Variants in STAT1 observed in about 807,000 individuals in gnomAD.
STAT1 encodes signal transducer and activator of transcription 1.
Under a neutral mutation model 111.7 loss-of-function variants are expected in STAT1, and 24 were observed. The observed-to-expected ratio is 0.21, with a 90% CI of 0.16 to 0.30. STAT1 has a LOEUF of 0.30. STAT1 is among the 10% of genes least tolerant of loss of function. STAT1 has a pLI of 1.00. For missense variants in STAT1, 351 were observed against 911.9 expected, an observed-to-expected ratio of 0.38 and a Z score of 7.92; for synonymous variants, 332 against 326.5, an observed-to-expected ratio of 1.02 and a Z score of -0.18.
chr2:190,992,507 T>C, intron 10 of STAT1: 3 of 289,232 alleles, frequency 1.0e-5, no homozygotes, highest in Non-Finnish European at 1.3e-5. Flanking sequence ...CCATTTACAA[T>C]CTCTGACCTC....
At position 190,976,776 on chromosome 2, in the gene STAT1, G is replaced by T; in HGVS notation, c.2059+64C>A. On this transcript the variant is annotated intron_variant, in intron 22 of 24. Coordinates refer to ENST00000361099, the MANE Select transcript of STAT1 (RefSeq NM_007315.4). This position sits in a 1 kb window ranked among gnomAD's most constrained non-coding sequence, Gnocchi z 6.0. Reference sequence around the variant, plus strand: ...AAAACACTGCATGGGTGGAGTTTCAGAATAATCACCCCCTCATCAGGAAAG... The same window carrying T: ...AAAACACTGCATGGGTGGAGTTTCATAATAATCACCCCCTCATCAGGAAAG... 1 of 1,436,028 alleles carries T rather than the reference G, an allele frequency of 7.0e-7. No individual in the cohort carries two copies. Among genetic ancestry groups the T allele is most frequent in the Non-Finnish European group, 9.8e-7 (1 of 1,018,702 alleles). 89.0% of individuals were successfully genotyped at this position (1,436,028 alleles called of 1,614,324 possible).
In STAT1 at chr2:191,012,874, C is replaced by T. The variant is rs1022033851; in HGVS notation, c.-2+651G>A. Reference sequence around the variant, plus strand: ...GCATTCAAAGCTATGTACAAAAGCCCCTTCTTTCATAAAGTTGTCTGAGAC... The same window carrying T: ...GCATTCAAAGCTATGTACAAAAGCCTCTTCTTTCATAAAGTTGTCTGAGAC... On this transcript the variant is annotated intron_variant, in intron 2 of 24. Coordinates refer to ENST00000361099, the MANE Select transcript of STAT1 (RefSeq NM_007315.4). The surrounding 1 kb of genome is among the most constrained non-coding windows in gnomAD (Gnocchi z 4.0). Among the ~76,000 whole-genome samples the T allele has an allele frequency of 6.6e-6, 1 of 152,180 alleles. No individual in the cohort carries two copies. Among genetic ancestry groups the T allele is most frequent in the Non-Finnish European group, 1.5e-5 (1 of 68,030 alleles).
Position 190,989,744 on chromosome 2 carries a change from C to T in STAT1, c.1038-70G>A. ...TACAATTTATTTATTATGCCAATTCCCTATTAACGTTTAGATAAACTACTC... is the reference window on the plus strand; with the variant it reads ...TACAATTTATTTATTATGCCAATTCTCTATTAACGTTTAGATAAACTACTC... On this transcript the variant is annotated intron_variant, in intron 11 of 24. Coordinates refer to ENST00000361099, the MANE Select transcript of STAT1 (RefSeq NM_007315.4). The surrounding 1 kb of genome is among the most constrained non-coding windows in gnomAD (Gnocchi z 5.0). 8.7e-7 allele frequency: 1 copy of T among 1,154,674 alleles called. No homozygotes were observed. The highest frequency in any genetic ancestry group is 1.4e-5 in the South Asian group (1 of 73,580). 71.5% of individuals were successfully genotyped at this position (1,154,674 alleles called of 1,614,324 possible).
Position 190,979,703 on chromosome 2 carries a change from A to C in STAT1, c.1727+69T>G. ...ACGCCTAGTCAAATACTGAAGCTGG[A>C]CTCAGGCCTTGTCTCAACCTCGCAG... On this transcript the variant is annotated intron_variant, in intron 20 of 24. Transcript: ENST00000361099. This position sits in a 1 kb window ranked among gnomAD's most constrained non-coding sequence, Gnocchi z 5.8. 4.0e-6 allele frequency: 5 copies of C among 1,237,138 alleles called. No individual in the cohort carries two copies. The highest frequency in any genetic ancestry group is 1.2e-5 in the South Asian group (1 of 82,942). The allele number at this position is 1,237,138 out of a possible 1,614,324, so 76.6% of individuals were successfully genotyped here. A position where few individuals can be genotyped will look rare whatever the true frequency, so the allele number is the denominator to read the frequency against.
chr2:190,970,038 T>C lies in STAT1; in HGVS notation c.*665A>G, dbSNP rs575893899. 6.4e-6 allele frequency: 1 copy of C among 157,030 alleles called. No individual in the cohort carries two copies. Among genetic ancestry groups the C allele is most frequent in the South Asian group, 1.9e-4 (1 of 5,264 alleles). 9.7% of individuals were successfully genotyped at this position (157,030 alleles called of 1,614,324 possible). A position where few individuals can be genotyped will look rare whatever the true frequency, so the allele number is the denominator to read the frequency against. Reference sequence around the variant, plus strand: ...GATATTAGCTAGTGTCATTAAGCCATAACAAACAGTAAAGCTAATATTCTC... The same window carrying C: ...GATATTAGCTAGTGTCATTAAGCCACAACAAACAGTAAAGCTAATATTCTC... On this transcript the variant is annotated 3_prime_UTR_variant, in exon 25 of 25. Transcript: ENST00000361099. The surrounding 1 kb of genome is among the most constrained non-coding windows in gnomAD (Gnocchi z 5.4).
chr2:191,001,864 G>C (rs143228480), intron 5 of STAT1, among the ~76,000 whole-genome samples: 2 of 152,134 alleles, frequency 1.3e-5, no homozygotes, highest in African/African-American at 4.8e-5. Context: ...CTCTAGGCTC[G>C]GGTGTTAGAG....
rs765913623 is a variant in STAT1 at position 190,989,714 on chromosome 2, T to C, written c.1038-40A>G. 7.0e-6 allele frequency: 10 copies of C among 1,431,940 alleles called. No individual in the cohort carries two copies. In the Admixed American group the frequency reaches 8.9e-5, roughly 13 times the overall value. 88.7% of individuals were successfully genotyped at this position (1,431,940 alleles called of 1,614,324 possible). A position where few individuals can be genotyped will look rare whatever the true frequency, so the allele number is the denominator to read the frequency against. Reference sequence around the variant, plus strand: ...AAAAGCCATTACTTAAAAAAAATTATCTGTTACAATTTATTTATTATGCCA... The same window carrying C: ...AAAAGCCATTACTTAAAAAAAATTACCTGTTACAATTTATTTATTATGCCA... On this transcript the variant is annotated intron_variant, in intron 11 of 24. Transcript: ENST00000361099. This position sits in a 1 kb window ranked among gnomAD's most constrained non-coding sequence, Gnocchi z 5.0.
Position 190,973,583 on chromosome 2 carries a change from A to G in STAT1, c.2238+1247T>C, listed in dbSNP as rs1045114505. ...CATTTTACAGTTCCTGTGATGTAAC[A>G]TATTTTCTGAATAGGGCTTTATATT... On this transcript the variant is annotated intron_variant, in intron 24 of 24. Transcript: ENST00000361099. The surrounding 1 kb of genome is among the most constrained non-coding windows in gnomAD (Gnocchi z 4.4). Among the ~76,000 whole-genome samples, 4 of 152,188 alleles carry G rather than the reference A, an allele frequency of 2.6e-5. No homozygotes were observed. The highest frequency in any genetic ancestry group is 9.7e-5 in the African/African-American group (4 of 41,446).
chr2:190,978,745 A>C lies in STAT1; in HGVS notation c.1873+111T>G, dbSNP rs1002983829. On this transcript the variant is annotated intron_variant, in intron 21 of 24. Transcript: ENST00000361099. This position sits in a 1 kb window ranked among gnomAD's most constrained non-coding sequence, Gnocchi z 6.1. ...GGGGCTCATTTGGGGTAAGTATAAG[A>C]TCTGCAATTTCATGTCCCAAACGCA... is the stretch of plus-strand genomic sequence containing the variant. 7.1e-7 allele frequency: 1 copy of C among 1,415,008 alleles called. No homozygotes were observed. Among genetic ancestry groups the C allele is most frequent in the African/African-American group, 1.4e-5 (1 of 70,658 alleles). The allele number at this position is 1,415,008 out of a possible 1,614,324, so 87.7% of individuals were successfully genotyped here. A position where few individuals can be genotyped will look rare whatever the true frequency, so the allele number is the denominator to read the frequency against.
rs1359053960 is a variant in STAT1 at position 190,995,689 on chromosome 2, AC to A, written c.786-471del. The stretch of plus-strand genomic sequence containing the variant: ...GTGGTTATATGCAACACAAAATGTC[AC>A]CTAGGATGCCATGCTCTGCCCTCTA... On this transcript the variant is annotated intron_variant, in intron 9 of 24. Transcript: ENST00000361099. This position sits in a 1 kb window ranked among gnomAD's most constrained non-coding sequence, Gnocchi z 4.2. 6.6e-6 allele frequency among the ~76,000 whole-genome samples: 1 copy of A among 152,178 alleles called. No individual in the cohort carries two copies. Among genetic ancestry groups the A allele is most frequent in the Non-Finnish European group, 1.5e-5 (1 of 68,020 alleles).
At chr2:190,988,618 A>G (rs984308537) in intron 12 of STAT1, among the ~76,000 whole-genome samples, 1 of 152,098 alleles carries the variant, frequency 6.6e-6, no homozygotes. Context: ...GCTTCATGTG[A>G]TCTGCCTGCC....
Position 190,993,949 on chromosome 2 carries a change from T to C in STAT1, c.944+1112A>G, listed in dbSNP as rs1421260484. 2.6e-5 allele frequency among the ~76,000 whole-genome samples: 4 copies of C among 152,178 alleles called. No individual in the cohort carries two copies. Among genetic ancestry groups the C allele is most frequent in the Non-Finnish European group, 4.4e-5 (3 of 68,014 alleles). On this transcript the variant is annotated intron_variant, in intron 10 of 24. Transcript: ENST00000361099. The surrounding 1 kb of genome is among the most constrained non-coding windows in gnomAD (Gnocchi z 4.1). The stretch of plus-strand genomic sequence containing the variant: ...GGCATGTCTCTGCCTTCCAGAACTT[T>C]ATGATATTCAAGAAATATAAAGAAA...
chr2:190,974,702 A>G lies in STAT1; in HGVS notation c.2238+128T>C. On this transcript the variant is annotated intron_variant, in intron 24 of 24. Transcript: ENST00000361099. This position sits in a 1 kb window ranked among gnomAD's most constrained non-coding sequence, Gnocchi z 4.8. ...CCAACTTGTCATGGCTCATCTGAGC[A>G]CTGCACTCTCCTTGGCTCCGCCAGG... The G allele has an allele frequency of 2.5e-6, 2 of 792,402 alleles. No homozygotes were observed. The highest frequency in any genetic ancestry group is 3.9e-5 in the Admixed American group (2 of 50,928). 49.1% of individuals were successfully genotyped at this position (792,402 alleles called of 1,614,324 possible).
In STAT1 at chr2:191,001,092, A is replaced by G; in HGVS notation, c.444T>C (p.Asn148=). Residue 148 remains asparagine, a synonymous_variant, in exon 6 of 25, where the codon AAT becomes AAC. Transcript: ENST00000361099. ...KQKELDSKVR[N]VKDKVMCIEH... The stretch of plus-strand genomic sequence containing the variant: ...TACTCACCATAACCTTGTCCTTCAC[A>G]TTTCTGACTTTACTGTCAAGCTCTT... 1.9e-6 allele frequency: 3 copies of G among 1,613,726 alleles called. No homozygotes were observed. The highest frequency in any genetic ancestry group is 2.5e-6 in the Non-Finnish European group (3 of 1,179,662).
chr2:190,994,636 T>G (rs902989473), intron 10 of STAT1, among the ~76,000 whole-genome samples: 9 of 151,982 alleles, frequency 5.9e-5, no homozygotes, highest in Non-Finnish European at 1.3e-4. Flanking sequence ...TTAAAAAATT[T>G]GAGGCCAGGC....
In STAT1 at chr2:190,999,505, T is replaced by A; in HGVS notation, c.541+121A>T. On this transcript the variant is annotated intron_variant, in intron 7 of 24. Transcript: ENST00000361099. This position sits in a 1 kb window ranked among gnomAD's most constrained non-coding sequence, Gnocchi z 4.1. ...TGTTGAGAAGCCCTGGCCTGGGTTA[T>A]CAAGGAAGAATTCAGAGTCATAAAA... 1 of 758,360 alleles carries A rather than the reference T, an allele frequency of 1.3e-6. No homozygotes were observed. The highest frequency in any genetic ancestry group is 2.3e-6 in the Non-Finnish European group (1 of 426,300). 47.0% of individuals were successfully genotyped at this position (758,360 alleles called of 1,614,324 possible).
At chr2:191,002,692 T>C (rs1392209925) in intron 5 of STAT1, among the ~76,000 whole-genome samples, 1 of 152,190 alleles carries the variant, frequency 6.6e-6, no homozygotes, top group East Asian at 1.9e-4. Context: ...AATACGATGC[T>C]AAATAGCAGT....
rs1692987025 is a variant in STAT1 at position 190,987,906 on chromosome 2, A to G, written c.1098-838T>C. The stretch of plus-strand genomic sequence containing the variant: ...AATTTAAAATAAAAGGGATAGTATG[A>G]TAAAAGCTGACTTGTCAAAGCTAAG... On this transcript the variant is annotated intron_variant, in intron 12 of 24. Transcript: ENST00000361099. The surrounding 1 kb of genome is among the most constrained non-coding windows in gnomAD (Gnocchi z 4.0). Among the ~76,000 whole-genome samples, 1 of 152,222 alleles carries G rather than the reference A, an allele frequency of 6.6e-6. No homozygotes were observed. The highest frequency in any genetic ancestry group is 2.1e-4 in the South Asian group (1 of 4,834).
Position 190,998,966 on chromosome 2 carries a change from C to T in STAT1, c.542-658G>A, listed in dbSNP as rs1694059573. Among the ~76,000 whole-genome samples the T allele has an allele frequency of 6.6e-6, 1 of 152,118 alleles. No homozygotes were observed. The highest frequency in any genetic ancestry group is 1.5e-5 in the Non-Finnish European group (1 of 68,028). ...TCTTATACTTTCTACCCAAATCATA[C>T]TGATAATCTCTGCCTATGAACCATG... On this transcript the variant is annotated intron_variant, in intron 7 of 24. Coordinates refer to ENST00000361099, the MANE Select transcript of STAT1 (RefSeq NM_007315.4). The surrounding 1 kb of genome is among the most constrained non-coding windows in gnomAD (Gnocchi z 4.1).
Sources: allele counts gnomAD v4.1 joint callset (sites outside exome capture counted in the v4.1 genomes callset), GRCh38; gene constraint gnomAD v4.1.1; non-coding constraint Gnocchi (gnomAD v3.1); transcripts MANE v1.5; gene names NCBI Gene and HGNC (gene_info 2026-07-23, HGNC 2026-07-21).